Variants in NFILZ observed in about 807,000 individuals in gnomAD.
NFILZ encodes the protein NFIL3 like protein.
At chr19:8,653,329 C>T (rs951993070) in intron 3 of NFILZ, among the ~76,000 whole-genome samples, 2 of 152,066 alleles carry the variant, frequency 1.3e-5, no homozygotes, top group Non-Finnish European at 2.9e-5. Flanking sequence ...GATCTGCCCA[C>T]CTTGGCCTCC....
At chr19:8,653,055 T>C (rs1393550081) in intron 3 of NFILZ, among the ~76,000 whole-genome samples, 25 of 119,002 alleles carry the variant, frequency 2.1e-4, no homozygotes, top group South Asian at 1.7e-3. Context: ...TCTCTCTCTC[T>C]CTCTCTCTCT....
intron 3 of NFILZ, among the ~76,000 whole-genome samples, chr19:8,636,510 T>A (rs1168253924): frequency 7.1e-6 from 1 of 140,978 alleles, no homozygotes; most frequent in African/African-American, 2.6e-5. Context: ...AATGGCGCCA[T>A]CTCGGCTCAC....
At chr19:8,667,083 T>C (rs1364665534) in intron 3 of NFILZ, among the ~76,000 whole-genome samples, 3 of 152,000 alleles carry the variant, frequency 2.0e-5, no homozygotes, top group African/African-American at 7.2e-5. Flanking sequence ...TGTCCCACCC[T>C]GCCCTGTCAG....
intron 3 of NFILZ, among the ~76,000 whole-genome samples, chr19:8,636,157 A>G (rs1044573503): frequency 2.6e-5 from 4 of 151,622 alleles, no homozygotes; most frequent in Non-Finnish European, 5.9e-5. Flanking sequence ...TTTTAAAAAA[A>G]TTTTATTTTC....
chr19:8,673,280 AGAGG>A (rs1256234450), intron 3 of NFILZ, among the ~76,000 whole-genome samples: 4 of 152,154 alleles, frequency 2.6e-5, no homozygotes, highest in African/African-American at 9.7e-5. Context: ...TGCTCCTGAC[AGAGG>A]GTATGGTAGC....
In NFILZ at chr19:8,642,953, C is replaced by CTTTTTT. The variant is rs35200818; in HGVS notation, c.-164+7216_-164+7221dup. Among the ~76,000 whole-genome samples, 1,344 of 139,322 alleles carry CTTTTTT rather than the reference C, an allele frequency of 9.6e-3. 43 individuals carry two copies. The highest frequency in any genetic ancestry group is 0.035 in the African/African-American group (1,296 of 36,852). 91.4% of individuals were successfully genotyped at this position (139,322 alleles called of 152,430 possible). ...AGTTTCAACTTAAAGGATTTTGACT[C>CTTTTTT]TTTTTTTTTTTTTTGAGACAGGGTA... On this transcript the variant is annotated intron_variant, in intron 3 of 5. Transcript: ENST00000691075.
rs1165870159 is a variant in NFILZ, at chr19:8,680,973, G to A, written c.*3338G>A. 6.6e-6 allele frequency among the ~76,000 whole-genome samples: 1 copy of A among 152,096 alleles called. No individual in the cohort carries two copies. The highest frequency in any genetic ancestry group is 1.5e-5 in the Non-Finnish European group (1 of 68,026). ...GAGAGAGGGAGGAGGCGAGGGCAGG[G>A]AGGTGATGGAAGCAGGTTGTGGAGG... On this transcript the variant is annotated 3_prime_UTR_variant, in exon 6 of 6. Coordinates refer to ENST00000691075, the MANE Select transcript of NFILZ (RefSeq NM_001378600.1).
In NFILZ at chr19:8,678,453, C is replaced by T. The variant is rs1254238490; in HGVS notation, c.*818C>T. ...CCTCATCCACTCATCCACCCATCCT[C>T]ACCTATCCATCCATCCACCCATTCT... On this transcript the variant is annotated 3_prime_UTR_variant, in exon 6 of 6. Transcript: ENST00000691075. 6.6e-6 allele frequency among the ~76,000 whole-genome samples: 1 copy of T among 150,494 alleles called. No individual in the cohort carries two copies. Among genetic ancestry groups the T allele is most frequent in the East Asian group, 2.0e-4 (1 of 5,034 alleles).
chr19:8,659,991 T>C (rs2043022349), intron 3 of NFILZ, among the ~76,000 whole-genome samples: 1 of 152,166 alleles, frequency 6.6e-6, no homozygotes, highest in Non-Finnish European at 1.5e-5. Flanking sequence ...ACTGAGGCCC[T>C]GGGGCCTCAT....
At chr19:8,656,428 G>A (rs1425225031) in intron 3 of NFILZ, among the ~76,000 whole-genome samples, 6 of 18,368 alleles carry the variant, frequency 3.3e-4, no homozygotes, top group Admixed American at 6.6e-4. Context: ...ACCTCTTTCC[G>A]CAGCCCACCT....
chr19:8,631,838 G>GTGTT (rs2042871519), intron 1 of NFILZ, among the ~76,000 whole-genome samples: 2 of 145,082 alleles, frequency 1.4e-5, no homozygotes, highest in Non-Finnish European at 2.9e-5. Flanking sequence ...TTTTGTGTGT[G>GTGTT]TGTGTGTGTG....
intron 3 of NFILZ, among the ~76,000 whole-genome samples, chr19:8,663,707 G>GGTGTGTGT (rs142651427): frequency 2.0e-5 from 1 of 50,118 alleles, no homozygotes; most frequent in Admixed American, 1.9e-4. Flanking sequence ...AACAAGGTGT[G>GGTGTGTGT]GTGTGTGTGT....
intron 3 of NFILZ, among the ~76,000 whole-genome samples, chr19:8,656,594 A>G (rs2043004770): frequency 6.7e-6 from 1 of 150,194 alleles, no homozygotes; most frequent in African/African-American, 2.5e-5. Flanking sequence ...CTGCCTTTTT[A>G]CTTCTACGGG....
At position 8,656,514 on chromosome 19, in the gene NFILZ, T is replaced by TC. The variant is rs782097660; in HGVS notation, c.-163-18037_-163-18036insC. ...CCTTCTCCCGCAGCCCACCTTCTCC[T>TC]GCAGCCCACCTTCTCTCTGAAGCTC... is the stretch of plus-strand genomic sequence containing the variant. On this transcript the variant is annotated intron_variant, in intron 3 of 5. Transcript: ENST00000691075. 6.1e-3 allele frequency among the ~76,000 whole-genome samples: 306 copies of TC among 50,078 alleles called. 4 individuals carry two copies. The highest frequency in any genetic ancestry group is 0.03 in the Middle Eastern group (3 of 100). The allele number at this position is 50,078 out of a possible 152,430, so 32.9% of individuals were successfully genotyped here.
intron 1 of NFILZ, among the ~76,000 whole-genome samples, chr19:8,631,867 T>TGG (rs782619560): frequency 2.7e-5 from 4 of 149,922 alleles, no homozygotes; most frequent in African/African-American, 9.9e-5. Context: ...TGTGTGTGTG[T>TGG]TTTGTTTGTT....
intron 3 of NFILZ, among the ~76,000 whole-genome samples, chr19:8,637,995 A>G (rs1489408999): frequency 3.3e-5 from 5 of 151,168 alleles, no homozygotes; most frequent in Non-Finnish European, 7.4e-5. Context: ...CTTGTAGAAC[A>G]GAGAAGGACT....
intron 2 of NFILZ, among the ~76,000 whole-genome samples, chr19:8,633,153 T>C (rs1555745747): frequency 1.3e-5 from 2 of 151,648 alleles, no homozygotes; most frequent in Non-Finnish European, 2.9e-5. Flanking sequence ...CCTGACTGAT[T>C]GAGATTACAG....
chr19:8,656,287 C>CTG (rs2042994147), intron 3 of NFILZ, among the ~76,000 whole-genome samples: 1 of 13,384 alleles, frequency 7.5e-5, no homozygotes, highest in African/African-American at 1.7e-4. Context: ...ACCTTCTCCC[C>CTG]ACAGCCCACC....
At chr19:8,663,043 G>T (rs1237397915) in intron 3 of NFILZ, among the ~76,000 whole-genome samples, 1 of 151,712 alleles carries the variant, frequency 6.6e-6, no homozygotes, top group Non-Finnish European at 1.5e-5. Flanking sequence ...GACCTCCTGG[G>T]CTCAAGCGAT....
Sources: gnomAD v4.1 joint callset for allele counts (sites outside exome capture counted in the v4.1 genomes callset) on GRCh38, gnomAD v4.1.1 for gene constraint, MANE v1.5 for transcripts, NCBI Gene and HGNC (gene_info 2026-07-23, HGNC 2026-07-21) for gene names.